Variants in YJEFN3 observed in about 807,000 individuals in gnomAD.
YJEFN3 encodes the protein yjeF N-terminal domain-containing protein 3.
A neutral mutation model predicts 31.5 loss-of-function variants in YJEFN3; 29 were observed. That is an observed-to-expected ratio of 0.92 (90% CI 0.69 to 1.26). The LOEUF (loss-of-function observed/expected upper bound fraction) is 1.26, where lower values mean the gene tolerates loss of function less well. Ranked by LOEUF, YJEFN3 falls within the 50% of genes most tolerant of loss-of-function variation. The pLI, the probability that YJEFN3 is intolerant of heterozygous loss-of-function variation, is 0.00. For missense variants in YJEFN3, 442 were observed against 425.4 expected (o/e 1.04, Z -0.34); for synonymous variants, 227 against 196.1 (o/e 1.16, Z -1.32).
In YJEFN3 at chr19:19,533,275, GT is replaced by G. The variant is rs1036281798; in HGVS notation, c.318+536del. 7.6e-5 allele frequency: 75 copies of G among 986,176 alleles called. No individual in the cohort carries two copies. The African/African-American group carries it at 1.1e-3, about 14-fold the overall frequency. The allele number at this position is 986,176 out of a possible 1,614,324, so 61.1% of individuals were successfully genotyped here. A position where few individuals can be genotyped will look rare whatever the true frequency, so the allele number is the denominator to read the frequency against. On this transcript the variant is annotated intron_variant, in intron 3 of 6. Coordinates refer to ENST00000514277, the MANE Select transcript of YJEFN3 (RefSeq NM_198537.4). ...TAATCATACTATGGAGTGCTTCACCGTGCAGCCAGCAGTGCTGGGCATCAGT... is the reference window on the plus strand; with the variant it reads ...TAATCATACTATGGAGTGCTTCACCGGCAGCCAGCAGTGCTGGGCATCAGT...
Position 19,537,438 on chromosome 19 carries a change from G to T in YJEFN3, c.814G>T (p.Gly272Cys), listed in dbSNP as rs745318974. The change falls in exon 7 of 7, where the codon GGC becomes TGC. Residue 272 changes from glycine (G) to cysteine (C), a missense_variant. Physicochemically the swap from Gly to Cys is radical, Grantham distance 159. Transcript: ENST00000514277. ...RFSGRHHFVA[G>C]RFVPDDVRRK... ...CTCCGGGCGCCACCACTTCGTGGCC[G>T]GCAGGTTCGTGCCCGATGACGTGCG... 6.3e-7 allele frequency: 1 copy of T among 1,588,614 alleles called. No homozygotes were observed. The highest frequency in any genetic ancestry group is 8.5e-7 in the Non-Finnish European group (1 of 1,173,428).
intron 2 of YJEFN3, among the ~76,000 whole-genome samples, chr19:19,531,775 G>A (rs953422051): frequency 5.9e-5 from 7 of 118,926 alleles, no homozygotes; most frequent in South Asian, 5.4e-4. Flanking sequence ...TCTGTCACCC[G>A]GGCTGGAGTG....
In YJEFN3 at chr19:19,537,396, C is replaced by G. The variant is rs1172004394; in HGVS notation, c.772C>G (p.Arg258Gly). The stretch of plus-strand genomic sequence containing the variant: ...GCTGGTGTCTCTCGCGGCGCCCAAG[C>G]GCTGCGCTGGCCGCTTCTCCGGGCG... ...DVLVSLAAPK[R>G]CAGRFSGRHH... Residue 258 changes from arginine to glycine, a missense_variant, in exon 7 of 7, where the codon CGC becomes GGC. Transcript: ENST00000514277. The G allele has an allele frequency of 2.6e-5, 42 of 1,591,684 alleles. No individual in the cohort carries two copies. Among genetic ancestry groups the G allele is most frequent in the Non-Finnish European group, 3.5e-5 (41 of 1,175,466 alleles).
intron 2 of YJEFN3, among the ~76,000 whole-genome samples, chr19:19,532,203 G>A (rs1324921866): frequency 6.6e-6 from 1 of 152,280 alleles, no homozygotes; most frequent in East Asian, 1.9e-4. Flanking sequence ...CCCTTTCAGC[G>A]TCCTGAAGCT....
chr19:19,537,573 C>T lies in YJEFN3; in HGVS notation c.*49C>T, dbSNP rs889086150. On this transcript the variant is annotated 3_prime_UTR_variant, in exon 7 of 7. Transcript: ENST00000514277. ...GGGACCCTCGCCAATAAACAGCCCT[C>T]CCACCACCGCCGCCTCGCCTCCGCC... 117 of 1,458,724 alleles carry T rather than the reference C, an allele frequency of 8.0e-5. No individual in the cohort carries two copies. Among genetic ancestry groups the T allele is most frequent in the Non-Finnish European group, 1.0e-4 (112 of 1,101,334 alleles). The allele number at this position is 1,458,724 out of a possible 1,614,324, so 90.4% of individuals were successfully genotyped here.
At chr19:19,533,329 A>C in intron 3 of YJEFN3, 2 of 985,718 alleles carry the variant, frequency 2.0e-6, no homozygotes, top group Non-Finnish European at 2.4e-6. Flanking sequence ...AATAAATGGT[A>C]CTGACGAGTC....
At chr19:19,537,221 T>C (rs1271984487) in intron 6 of YJEFN3, 98 bp from the exon 7 acceptor site, 1 of 1,142,186 alleles carries the variant, frequency 8.8e-7, no homozygotes, top group Non-Finnish European at 1.2e-6. Context: ...AGGCTCAGTG[T>C]TGGAGGGGAG....
intron 3 of YJEFN3, chr19:19,533,470 CCT>C (rs1434622928): frequency 5.3e-6 from 5 of 940,872 alleles, no homozygotes; most frequent in Non-Finnish European, 6.3e-6. Flanking sequence ...CCTGCCCCCT[CCT>C]CTTACCCTCC....
chr19:19,531,268 T>C (rs2144656747), intron 2 of YJEFN3, among the ~76,000 whole-genome samples: 1 of 152,352 alleles, frequency 6.6e-6, no homozygotes, highest in East Asian at 1.9e-4. Context: ...TCTTTGTTCA[T>C]GTCCTGTGGC....
intron 2 of YJEFN3, among the ~76,000 whole-genome samples, chr19:19,531,744 T>C (rs1216650534): frequency 9.4e-6 from 1 of 106,104 alleles, no homozygotes; most frequent in Admixed American, 1.1e-4. Context: ...TTTTTTTTTT[T>C]TTTTGGAGAC....
Position 19,534,544 on chromosome 19 carries a change from A to C in YJEFN3, c.319-490A>C, listed in dbSNP as rs544895715. On this transcript the variant is annotated intron_variant, in intron 3 of 6. Coordinates refer to ENST00000514277, the MANE Select transcript of YJEFN3 (RefSeq NM_198537.4). This position sits in a 1 kb window ranked among gnomAD's most constrained non-coding sequence, Gnocchi z 4.6. ...AAGAGAGCCAGAGACATACAGAGAG[A>C]CAGAGACACACAGAGAGACAGAGAC... 3 of 152,934 alleles carry C rather than the reference A, an allele frequency of 2.0e-5. No individual in the cohort carries two copies. Among genetic ancestry groups the C allele is most frequent in the African/African-American group, 4.9e-5 (2 of 41,098 alleles). The allele number at this position is 152,934 out of a possible 1,614,324, so 9.5% of individuals were successfully genotyped here.
intron 1 of YJEFN3, 43 bp from the exon 2 acceptor site, chr19:19,529,321 C>A: frequency 1.9e-6 from 3 of 1,577,096 alleles, no homozygotes; most frequent in South Asian, 1.2e-5. Flanking sequence ...GCTCCCCCAC[C>A]GAACCCCAAC....
chr19:19,531,172 A>G (rs929655371), intron 2 of YJEFN3, among the ~76,000 whole-genome samples: 1 of 152,232 alleles, frequency 6.6e-6, no homozygotes, highest in African/African-American at 2.4e-5. Flanking sequence ...GCCAGAGGGC[A>G]GACATCTCCC....
chr19:19,530,816 G>C (rs1162526868), intron 2 of YJEFN3, among the ~76,000 whole-genome samples: 2 of 152,204 alleles, frequency 1.3e-5, no homozygotes, highest in African/African-American at 4.8e-5. Flanking sequence ...ATTTGGCTCT[G>C]TTTACTGGGG....
At chr19:19,530,165 G>A (rs1012054706) in intron 2 of YJEFN3, among the ~76,000 whole-genome samples, 2 of 152,156 alleles carry the variant, frequency 1.3e-5, no homozygotes, top group African/African-American at 2.4e-5. Flanking sequence ...CATTTGGCGA[G>A]TGTCAGGCCC....
intron 3 of YJEFN3, chr19:19,533,131 G>T (rs2061174308): frequency 9.8e-7 from 1 of 1,016,578 alleles, no homozygotes; most frequent in South Asian, 4.3e-5. Flanking sequence ...CAGAGGTGGC[G>T]AGGGGCCTGC....
intron 2 of YJEFN3, among the ~76,000 whole-genome samples, chr19:19,531,587 G>C (rs1314108512): frequency 2.6e-5 from 4 of 151,976 alleles, no homozygotes; most frequent in Non-Finnish European, 5.9e-5. Context: ...AGCCTAGTCT[G>C]ACCAATTGTG....
chr19:19,529,558 T>C (rs2061133677), intron 2 of YJEFN3, 45 bp downstream of exon 2: 1 of 1,596,938 alleles, frequency 6.3e-7, no homozygotes, highest in Non-Finnish European at 8.5e-7. Context: ...GCTGTGACTC[T>C]CACCTCATCC....
rs776014647 is a variant in YJEFN3 at position 19,537,384 on chromosome 19, G to A, written c.760G>A (p.Ala254Thr). 3 of 1,594,270 alleles carry A rather than the reference G, an allele frequency of 1.9e-6. No homozygotes were observed. Among genetic ancestry groups the A allele is most frequent in the African/African-American group, 1.3e-5 (1 of 74,766 alleles). Residue 254 changes from alanine (A) to threonine (T), a missense_variant, in exon 7 of 7, where the codon GCG (alanine) becomes ACG (threonine). Ala to Thr is a moderately conservative substitution (Grantham distance 58). Coordinates refer to ENST00000514277, the MANE Select transcript of YJEFN3 (RefSeq NM_198537.4). ...GLRPDVLVSL[A>T]APKRCAGRFS... ...GCGGCCTGACGTGCTGGTGTCTCTCGCGGCGCCCAAGCGCTGCGCTGGCCG... is the reference window on the plus strand; with the variant it reads ...GCGGCCTGACGTGCTGGTGTCTCTCACGGCGCCCAAGCGCTGCGCTGGCCG...
Sources: gnomAD v4.1 joint callset for allele counts (sites outside exome capture counted in the v4.1 genomes callset) on GRCh38, gnomAD v4.1.1 for gene constraint, Gnocchi (gnomAD v3.1) non-coding constraint, MANE v1.5 for transcripts, NCBI Gene and HGNC (gene_info 2026-07-23, HGNC 2026-07-21) for gene names.